UBR1: variants seen among roughly 807,000 people sequenced by gnomAD.
UBR1 encodes the protein E3 ubiquitin-protein ligase UBR1.
UBR1 carries 102 observed loss-of-function variants against 242.1 expected under a neutral mutation model. The observed-to-expected ratio is 0.42, with a 90% CI of 0.36 to 0.50. The LOEUF is 0.50. UBR1 is among the 20% of genes least tolerant of loss of function. UBR1 has a pLI of 0.01. For missense variants in UBR1, 1,772 were observed against 2,101.8 expected (o/e 0.84, Z 3.07); for synonymous variants, 675 against 684.8 (o/e 0.99, Z 0.22).
intron 37 of UBR1, among the ~76,000 whole-genome samples, chr15:42,983,332 T>C (rs1193191474): frequency 1.3e-5 from 2 of 151,990 alleles, no homozygotes; most frequent in Non-Finnish European, 2.9e-5. Flanking sequence ...AAACATAAGT[T>C]GAAAATATTT....
At chr15:42,946,372 C>T (rs912759461) in intron 46 of UBR1, among the ~76,000 whole-genome samples, 1 of 152,046 alleles carries the variant, frequency 6.6e-6, no homozygotes, top group Admixed American at 6.6e-5. Context: ...GTGATCCGCC[C>T]GCCTCGGCCT....
In UBR1 at chr15:42,988,936, C is replaced by T; in HGVS notation, c.3880G>A (p.Val1294Ile). The T allele has an allele frequency of 6.2e-7, 1 of 1,607,304 alleles. No homozygotes were observed. The highest frequency in any genetic ancestry group is 8.5e-7 in the Non-Finnish European group (1 of 1,173,826). ...TAAATTGTTGTGGCAAAGAGAATAA[C>T]CATTTCCTTGATGCTATTTGAATAT... ...IKYSNSIKEM[V>I]ILFATTIYRI... The change falls in exon 35 of 47, where the codon GTT becomes ATT. Residue 1294 changes from valine (V) to isoleucine (I), a missense_variant. Val to Ile is a conservative substitution (Grantham distance 29). Transcript: ENST00000290650.
chr15:42,960,762 C>T (rs1596075938), intron 42 of UBR1, 61 bp from the exon 43 acceptor site: 1 of 1,520,240 alleles, frequency 6.6e-7, no homozygotes, highest in African/African-American at 1.4e-5. Flanking sequence ...CATGATTTGT[C>T]AACAAGCCAT....
At chr15:43,032,890 C>G (rs1371157082) in intron 19 of UBR1, among the ~76,000 whole-genome samples, 1 of 152,196 alleles carries the variant, frequency 6.6e-6, no homozygotes, top group Non-Finnish European at 1.5e-5. Context: ...TAAATAAGCA[C>G]ACATGCTAAT....
chr15:42,982,423 AAAGT>A (rs1251482964), intron 37 of UBR1, among the ~76,000 whole-genome samples: 4 of 152,222 alleles, frequency 2.6e-5, no homozygotes, highest in African/African-American at 9.6e-5. Context: ...AGAAGGGAAA[AAAGT>A]AAGTGAAAGA....
intron 13 of UBR1, 96 bp downstream of exon 13, chr15:43,048,296 C>A (rs762544291): frequency 2.2e-6 from 2 of 891,028 alleles, no homozygotes; most frequent in Admixed American, 2.4e-5. Context: ...TAGATAAATT[C>A]TTTCTTGTAT....
chr15:43,074,435 C>T (rs2033861202), intron 4 of UBR1, among the ~76,000 whole-genome samples: 1 of 151,998 alleles, frequency 6.6e-6, no homozygotes, highest in African/African-American at 2.4e-5. Flanking sequence ...ATGTTGTGTA[C>T]TATTTTCCTT....
intron 1 of UBR1, among the ~76,000 whole-genome samples, chr15:43,095,172 T>TA (rs1340960327): frequency 2.0e-5 from 3 of 152,160 alleles, no homozygotes; most frequent in Admixed American, 6.5e-5. Flanking sequence ...TGTGTATTTT[T>TA]AAAAAATTGA....
At chr15:43,102,209 T>C (rs1247765949) in intron 1 of UBR1, among the ~76,000 whole-genome samples, 1 of 152,178 alleles carries the variant, frequency 6.6e-6, no homozygotes, top group African/African-American at 2.4e-5. Context: ...GCAAGTCTTT[T>C]TGCTTCTTCC....
intron 11 of UBR1, among the ~76,000 whole-genome samples, chr15:43,055,211 G>A (rs531487744): frequency 5.9e-5 from 9 of 152,194 alleles, no homozygotes; most frequent in Admixed American, 2.6e-4. Flanking sequence ...TTGGGAGGCC[G>A]AGGCAGGCGG....
At chr15:42,956,646 T>C (rs1255504817) in intron 44 of UBR1, among the ~76,000 whole-genome samples, 1 of 152,170 alleles carries the variant, frequency 6.6e-6, no homozygotes, top group Non-Finnish European at 1.5e-5. Context: ...ATTTTGGAAC[T>C]CTGGAGCCTG....
chr15:43,018,669 G>A (rs894873802), intron 27 of UBR1, among the ~76,000 whole-genome samples: 5 of 152,194 alleles, frequency 3.3e-5, no homozygotes, highest in African/African-American at 1.2e-4. Flanking sequence ...GGAACTATAG[G>A]TGTGAGTCAC....
intron 4 of UBR1, among the ~76,000 whole-genome samples, chr15:43,072,929 G>A (rs758976880): frequency 6.6e-6 from 1 of 152,092 alleles, no homozygotes. Flanking sequence ...TTGGGAGGCC[G>A]AGGCAGATGA....
chr15:43,056,363 A>G lies in UBR1; in HGVS notation c.1262T>C (p.Met421Thr), dbSNP rs1391393903. Reference sequence around the variant, plus strand: ...ACATACCAGAGTAGGAACAGTAAACATCTGAACTGAAAGTGCAGTTATAGA... The same window carrying G: ...ACATACCAGAGTAGGAACAGTAAACGTCTGAACTGAAAGTGCAGTTATAGA... ...SISITALSVQ[M>T]FTVPTLARHL... Residue 421 changes from methionine (M) to threonine (T), a missense_variant, in exon 11 of 47, where the codon ATG becomes ACG. By Grantham distance (81) the Met-to-Thr change is moderately conservative. Transcript: ENST00000290650. The G allele has an allele frequency of 6.2e-7, 1 of 1,611,418 alleles. No individual in the cohort carries two copies. The highest frequency in any genetic ancestry group is 1.7e-5 in the Admixed American group (1 of 60,010).
Position 43,021,305 on chromosome 15 carries a change from G to A in UBR1, c.2910C>T (p.Gly970=), listed in dbSNP as rs2033107752. The change falls in exon 27 of 47, where the codon GGC becomes GGT. Residue 970 remains glycine, a synonymous_variant. Transcript: ENST00000290650. The part of the protein sequence containing the change: ...EKLKGIPQLE[G]QKDMITWILQ... ...GTATCCACGTTATCATGTCCTTCTG[G>A]CCTTCTAACTGGGGAATTCCTTTGA... 1 of 1,613,496 alleles carries A rather than the reference G, an allele frequency of 6.2e-7. No homozygotes were observed. The highest frequency in any genetic ancestry group is 8.5e-7 in the Non-Finnish European group (1 of 1,179,790).
intron 6 of UBR1, among the ~76,000 whole-genome samples, chr15:43,064,015 C>T (rs1024022339): frequency 4.6e-5 from 7 of 152,224 alleles, no homozygotes; most frequent in African/African-American, 1.7e-4. Context: ...GGATTACAGG[C>T]GTGGGCCACT....
intron 11 of UBR1, among the ~76,000 whole-genome samples, chr15:43,056,125 A>T (rs987390049): frequency 3.3e-5 from 5 of 152,236 alleles, no homozygotes; most frequent in African/African-American, 1.2e-4. Flanking sequence ...AAGTTACTCT[A>T]GAAAGTAAGA....
chr15:42,988,075 C>T (rs907639465), intron 35 of UBR1, among the ~76,000 whole-genome samples: 1 of 152,154 alleles, frequency 6.6e-6, no homozygotes, highest in African/African-American at 2.4e-5. Context: ...CTGCTAATCT[C>T]TCTTAAACTG....
At chr15:42,964,482 A>AAAAC (rs925825428) in intron 41 of UBR1, among the ~76,000 whole-genome samples, 7 of 152,226 alleles carry the variant, frequency 4.6e-5, no homozygotes, top group East Asian at 3.9e-4. Context: ...AAAAAAACAA[A>AAAAC]AAACAAACAA....
Sources: allele counts gnomAD v4.1 joint callset (sites outside exome capture counted in the v4.1 genomes callset), GRCh38; gene constraint gnomAD v4.1.1; transcripts MANE v1.5; gene names NCBI Gene and HGNC (gene_info 2026-07-23, HGNC 2026-07-21).